The following ADAMTS13 variants were observed in gnomAD, a reference collection of about 807,000 sequenced individuals.
ADAMTS13 encodes A disintegrin and metalloproteinase with thrombospondin motifs 13.
ADAMTS13 carries 110 observed loss-of-function variants against 155.1 expected under a neutral mutation model. The ratio of observed to expected loss-of-function variants is 0.71; its 90% CI spans 0.61 to 0.83. ADAMTS13 has a LOEUF of 0.83. ADAMTS13 is among the 40% of genes least tolerant of loss of function. ADAMTS13 has a pLI of 0.00. For synonymous variants in ADAMTS13, 758 were observed against 756.4 expected, an observed-to-expected ratio of 1.00 and a Z score of -0.03; for missense variants, 1,707 against 1,891.7, an observed-to-expected ratio of 0.90 and a Z score of 1.81.
chr9:133,449,919 C>T lies in ADAMTS13; in HGVS notation c.2998C>T (p.Arg1000Cys), dbSNP rs782761491. Residue 1000 changes from arginine to cysteine, a missense_variant, in exon 23 of 29, where the codon CGC (arginine) becomes TGC (cysteine). Coordinates refer to ENST00000355699, the MANE Select transcript of ADAMTS13 (RefSeq NM_139027.6). Reference protein sequence around the residue: ...LLDTQCQGLPRPEPQEACSLE... With the variant: ...LLDTQCQGLPCPEPQEACSLE... ...GGACACCCAGTGCCAGGGGCTGCCTCGCCCGGAACCCCAGGAGGCCTGCAG... is the reference window on the plus strand; with the variant it reads ...GGACACCCAGTGCCAGGGGCTGCCTTGCCCGGAACCCCAGGAGGCCTGCAG... 1.3e-5 allele frequency: 21 copies of T among 1,612,368 alleles called. No individual in the cohort carries two copies. The highest frequency in any genetic ancestry group is 1.1e-4 in the East Asian group (5 of 44,856).
intron 15 of ADAMTS13, among the ~76,000 whole-genome samples, chr9:133,439,821 T>G (rs930014885): frequency 4.6e-5 from 7 of 152,162 alleles, no homozygotes; most frequent in African/African-American, 1.7e-4. Context: ...TTCCTGGGGT[T>G]TGAGTGCAAA....
In ADAMTS13 at chr9:133,459,151, C is replaced by T; in HGVS notation, c.4087C>T (p.Gln1363Ter). The T allele has an allele frequency of 1.2e-6, 2 of 1,612,318 alleles. No individual in the cohort carries two copies. Among genetic ancestry groups the T allele is most frequent in the South Asian group, 1.1e-5 (1 of 90,890 alleles). Residue 1363 changes from glutamine to a stop codon, truncating the protein, a stop_gained, in exon 29 of 29, where the codon CAG (glutamine) becomes TAG (stop). Coordinates refer to ENST00000355699, the MANE Select transcript of ADAMTS13 (RefSeq NM_139027.6). LOFTEE classifies it low-confidence loss of function (END_TRUNC). Reference protein sequence around the residue: ...QSWVPEMQDPQSWKGKEGT With the variant: ...QSWVPEMQDP ...ATGGGTACCGGAGATGCAGGACCCT[C>T]AGTCCTGGAAGGGAAAGGAAGGAAC...
In ADAMTS13 at chr9:133,431,250, C is replaced by G. The variant is rs587613322; in HGVS notation, c.987+1149C>G. 3.3e-5 allele frequency among the ~76,000 whole-genome samples: 5 copies of G among 152,260 alleles called. No individual in the cohort carries two copies. The East Asian group carries it at 9.6e-4, about 29-fold the overall frequency. ...AAAGCACTGGGATTACAGACATGAG[C>G]CACCACCCACGCCTGATCAGCAAAT... On this transcript the variant is annotated intron_variant, in intron 8 of 28. Transcript: ENST00000355699.
chr9:133,424,860 C>T lies in ADAMTS13; in HGVS notation c.330+382C>T, dbSNP rs35101023. 0.14 allele frequency among the ~76,000 whole-genome samples: 21,019 copies of T among 152,256 alleles called. 1,708 individuals carry two copies. The highest frequency in any genetic ancestry group is 0.22 in the African/African-American group (8,987 of 41,536). ...GCCCTCTCTCCATTCTCTTGTCCCCCGCTCAGAGTGGCGAGGACAGGTCAC... is the reference window on the plus strand; with the variant it reads ...GCCCTCTCTCCATTCTCTTGTCCCCTGCTCAGAGTGGCGAGGACAGGTCAC... On this transcript the variant is annotated intron_variant, in intron 3 of 28. Transcript: ENST00000355699. This position sits in a 1 kb window ranked among gnomAD's most constrained non-coding sequence, Gnocchi z 4.3.
chr9:133,459,066 C>A lies in ADAMTS13; in HGVS notation c.4002C>A (p.Phe1334Leu). The A allele has an allele frequency of 6.2e-7, 1 of 1,612,982 alleles. No homozygotes were observed. Among genetic ancestry groups the A allele is most frequent in the South Asian group, 1.1e-5 (1 of 91,030 alleles). Residue 1334 changes from phenylalanine to leucine, a missense_variant, in exon 29 of 29, where the codon TTC (phenylalanine) becomes TTA (leucine). By Grantham distance (22) the Phe-to-Leu change is conservative (BLOSUM62 0). This residue lies in a region of ADAMTS13 where 961 missense variants were observed against 1,107.9 expected (regional missense o/e 0.87). Coordinates refer to ENST00000355699, the MANE Select transcript of ADAMTS13 (RefSeq NM_139027.6). ...ESESSQAEME[F>L]SEGFLKAQAS... Reference sequence around the variant, plus strand: ...AGAGCAGCCAGGCTGAGATGGAGTTCAGCGAGGGCTTCCTGAAGGCTCAGG... The same window carrying A: ...AGAGCAGCCAGGCTGAGATGGAGTTAAGCGAGGGCTTCCTGAAGGCTCAGG...
In ADAMTS13 at chr9:133,448,649, G is replaced by T; in HGVS notation, c.2782G>T (p.Val928Phe). The change falls in exon 22 of 29, where the codon GTC becomes TTC. Residue 928 changes from valine to phenylalanine, a missense_variant. Physicochemically the swap from Val to Phe is conservative, Grantham distance 50 (BLOSUM62 -1). Transcript: ENST00000355699. ...LCMDSALRVP[V>F]QEELCGLASK... ...CATGGACTCTGCCCTCAGGGTGCCTGTCCAGGAAGAGCTGTGTGGCCTGGC... is the reference window on the plus strand; with the variant it reads ...CATGGACTCTGCCCTCAGGGTGCCTTTCCAGGAAGAGCTGTGTGGCCTGGC... The T allele has an allele frequency of 6.2e-7, 1 of 1,609,468 alleles. No homozygotes were observed.
intron 28 of ADAMTS13, among the ~76,000 whole-genome samples, chr9:133,458,672 G>C (rs1842902775): frequency 6.6e-6 from 1 of 151,160 alleles, no homozygotes; most frequent in Admixed American, 6.6e-5. Context: ...AACTTGGACA[G>C]AATAGCACCC....
chr9:133,426,629 C>T (rs1840299209), intron 6 of ADAMTS13, among the ~76,000 whole-genome samples: 1 of 152,040 alleles, frequency 6.6e-6, no homozygotes, highest in Non-Finnish European at 1.5e-5. Context: ...ATCTCAAATC[C>T]CACCATTTAG....
intron 19 of ADAMTS13, among the ~76,000 whole-genome samples, chr9:133,444,348 G>A (rs1252344606): frequency 6.6e-6 from 1 of 151,828 alleles, no homozygotes; most frequent in Non-Finnish European, 1.5e-5. Flanking sequence ...GGAGGGATGG[G>A]TTCTCTTTTT....
chr9:133,437,955 T>C, intron 13 of ADAMTS13, 58 bp downstream of exon 13: 1 of 1,609,580 alleles, frequency 6.2e-7, no homozygotes, highest in East Asian at 2.2e-5. Flanking sequence ...ATCGGAAGGC[T>C]CCTGGGGGCA....
At chr9:133,444,452 G>C (rs922610386) in intron 19 of ADAMTS13, among the ~76,000 whole-genome samples, 1 of 152,048 alleles carries the variant, frequency 6.6e-6, no homozygotes, top group Non-Finnish European at 1.5e-5. Flanking sequence ...CTCAGCAAGT[G>C]TGCGCCACCA....
chr9:133,436,898 T>G lies in ADAMTS13; in HGVS notation c.1378T>G (p.Ser460Ala). Reference protein sequence around the residue: ...CARTDGQPLRSSPGGASFYHW... With the variant: ...CARTDGQPLRASPGGASFYHW... The stretch of plus-strand genomic sequence containing the variant: ...CAGGACCGACGGCCAGCCGCTGCGC[T>G]CCTCCCCTGGCGGCGCCTCCTTCTA... Residue 460 changes from serine (S) to alanine (A), a missense_variant, in exon 12 of 29, where the codon TCC becomes GCC. By Grantham distance (99) the Ser-to-Ala change is moderately conservative. Coordinates refer to ENST00000355699, the MANE Select transcript of ADAMTS13 (RefSeq NM_139027.6). The G allele has an allele frequency of 1.3e-6, 2 of 1,586,568 alleles. No homozygotes were observed. The highest frequency in any genetic ancestry group is 1.7e-6 in the Non-Finnish European group (2 of 1,167,580).
At chr9:133,417,498 T>A, upstream of ADAMTS13, 1 of 1,026,838 alleles carries the variant, frequency 9.7e-7, no homozygotes, top group Non-Finnish European at 1.4e-6. Context: ...GAAAAGCTGT[T>A]TACAAGATTT....
chr9:133,454,893 G>C (rs1842647524), intron 24 of ADAMTS13, among the ~76,000 whole-genome samples: 1 of 152,168 alleles, frequency 6.6e-6, no homozygotes, highest in African/African-American at 2.4e-5. Context: ...AATGCCAGCT[G>C]TGCCACGCAC....
intron 12 of ADAMTS13, 21 bp downstream of exon 12, chr9:133,436,976 G>C: frequency 6.3e-7 from 1 of 1,591,092 alleles, no homozygotes; most frequent in African/African-American, 1.3e-5. Context: ...CGGAGTGTGG[G>C]GTTGGGGGAG....
rs1554785251 is a variant in ADAMTS13 at position 133,426,244 on chromosome 9, C to T, written c.585C>T (p.Val195=). 6.2e-7 allele frequency: 1 copy of T among 1,613,302 alleles called. No homozygotes were observed. The highest frequency in any genetic ancestry group is 1.1e-5 in the South Asian group (1 of 91,084). The change falls in exon 6 of 29, where the codon GTC becomes GTT. Residue 195 remains valine, a synonymous_variant. Transcript: ENST00000355699. The part of the protein sequence containing the change: ...LPDGNRQVRG[V]TQLGGACSPT... Reference sequence around the variant, plus strand: ...ATGGTAACCGGCAGGTGCGGGGCGTCACCCAGCTGGGCGGTGCCTGCTCCC... The same window carrying T: ...ATGGTAACCGGCAGGTGCGGGGCGTTACCCAGCTGGGCGGTGCCTGCTCCC...
Position 133,445,763 on chromosome 9 carries a change from A to C in ADAMTS13, c.2675A>C (p.Gln892Pro), listed in dbSNP as rs1842020356. Reference sequence around the variant, plus strand: ...TGGGGCAGCATCAGGACGGGGGCTCAAGCTGCACACGTGTGGACCCCTGCG... The same window carrying C: ...TGGGGCAGCATCAGGACGGGGGCTCCAGCTGCACACGTGTGGACCCCTGCG... ...SPWGSIRTGA[Q>P]AAHVWTPAAG... is the part of the protein sequence containing the mutation. The change falls in exon 21 of 29, where the codon CAA becomes CCA. Residue 892 changes from glutamine to proline, a missense_variant. By Grantham distance (76) the Gln-to-Pro change is moderately conservative (BLOSUM62 -1). Transcript: ENST00000355699. This position sits in a 1 kb window ranked among gnomAD's most constrained non-coding sequence, Gnocchi z 5.0. The C allele has an allele frequency of 1.2e-6, 2 of 1,609,680 alleles. No individual in the cohort carries two copies. The highest frequency in any genetic ancestry group is 2.2e-5 in the South Asian group (2 of 90,830).
chr9:133,415,214 G>C (rs1363639995), intron 1 of ADAMTS13, among the ~76,000 whole-genome samples: 1 of 152,090 alleles, frequency 6.6e-6, no homozygotes, highest in African/African-American at 2.4e-5. Flanking sequence ...GTGAAATGCT[G>C]TTTCTTTGCT....
chr9:133,445,787 C>T lies in ADAMTS13; in HGVS notation c.2699C>T (p.Ala900Val), dbSNP rs685523. The T allele has an allele frequency of 0.097, 154,775 of 1,596,052 alleles. 8,223 individuals are homozygous for T. Among genetic ancestry groups the T allele is most frequent in the African/African-American group, 0.14 (10,697 of 74,690 alleles). The change falls in exon 21 of 29, where the codon GCG becomes GTG. Residue 900 changes from alanine (A) to valine (V), a missense_variant. Around this residue, in one of 3 missense-constraint regions of ADAMTS13, gnomAD observed 961 missense variants for 1,107.9 expected, o/e 0.87. Coordinates refer to ENST00000355699, the MANE Select transcript of ADAMTS13 (RefSeq NM_139027.6). The surrounding 1 kb of genome is among the most constrained non-coding windows in gnomAD (Gnocchi z 5.0). ...GAQAAHVWTP[A>V]AGSCSVSCGR... ...CAAGCTGCACACGTGTGGACCCCTGCGGCAGGGTCGTGCTCCGTCTCCTGC... is the reference window on the plus strand; with the variant it reads ...CAAGCTGCACACGTGTGGACCCCTGTGGCAGGGTCGTGCTCCGTCTCCTGC...
Sources: gnomAD v4.1 joint callset for allele counts (sites outside exome capture counted in the v4.1 genomes callset) on GRCh38, gnomAD v4.1.1 for gene constraint, gnomAD v4.1.1 regional missense constraint, Gnocchi (gnomAD v3.1) non-coding constraint, MANE v1.5 for transcripts, NCBI Gene and HGNC (gene_info 2026-07-23, HGNC 2026-07-21) for gene names.